Variants in PTPRD observed in about 807,000 individuals in gnomAD.
PTPRD encodes the protein receptor-type tyrosine-protein phosphatase delta.
Under a neutral mutation model 214.5 loss-of-function variants are expected in PTPRD, and 34 were observed. The observed-to-expected ratio is 0.16, with a 90% CI of 0.12 to 0.21. PTPRD has a LOEUF of 0.21. Among genes scored for constraint, PTPRD ranks in the 10% least tolerant of loss-of-function variants. The pLI is 1.00. For synonymous variants in PTPRD, 1,128 were observed against 845.7 expected, an observed-to-expected ratio of 1.33 and a Z score of -5.79; for missense variants, 2,545 against 2,398.7, an observed-to-expected ratio of 1.06 and a Z score of -1.27.
intron 11 of PTPRD, among the ~76,000 whole-genome samples, chr9:8,818,232 C>T (rs555767849): frequency 6.4e-4 from 98 of 152,160 alleles, no homozygotes; most frequent in African/African-American, 2.3e-3. Context: ...ATACCTCATC[C>T]TAATTAAATG....
chr9:10,215,692 G>A (rs1332780066), intron 3 of PTPRD, among the ~76,000 whole-genome samples: 2 of 151,974 alleles, frequency 1.3e-5, no homozygotes, highest in Admixed American at 6.6e-5. Flanking sequence ...ATAAATATGT[G>A]AGAATGTTCA....
chr9:8,595,054 G>A (rs146908936), intron 14 of PTPRD, among the ~76,000 whole-genome samples: 186 of 151,398 alleles, frequency 1.2e-3, no homozygotes, highest in African/African-American at 4.1e-3. Context: ...TAGTAGAGAC[G>A]TGGTTTCTCC....
chr9:8,729,956 C>T (rs1169306705), intron 12 of PTPRD, among the ~76,000 whole-genome samples: 1 of 152,156 alleles, frequency 6.6e-6, no homozygotes, highest in Admixed American at 6.6e-5. Flanking sequence ...CCATAAAAGA[C>T]AGAAATATTG....
intron 3 of PTPRD, among the ~76,000 whole-genome samples, chr9:10,152,935 C>T (rs1391367332): frequency 6.6e-6 from 1 of 152,024 alleles, no homozygotes; most frequent in Non-Finnish European, 1.5e-5. Flanking sequence ...ACAAATACTA[C>T]ATGAGCTCAC....
At chr9:10,389,202 AATC>A (rs771901749) in intron 2 of PTPRD, among the ~76,000 whole-genome samples, 2 of 151,870 alleles carry the variant, frequency 1.3e-5, no homozygotes, top group Non-Finnish European at 2.9e-5. Flanking sequence ...GTAACCATAT[AATC>A]ATGTTTTTCA....
At chr9:8,460,609 T>C (rs897855951) in intron 32 of PTPRD, 38 bp from the exon 33 acceptor site, 3 of 1,588,574 alleles carry the variant, frequency 1.9e-6, no homozygotes, top group Admixed American at 1.8e-5. Context: ...TATAAAATAA[T>C]GACTTTCTAG....
At chr9:8,732,946 G>T (rs1024564267) in intron 12 of PTPRD, among the ~76,000 whole-genome samples, 3 of 152,150 alleles carry the variant, frequency 2.0e-5, no homozygotes, top group Non-Finnish European at 4.4e-5. Context: ...CAAAGAAAAT[G>T]GCTAACTCAT....
chr9:8,826,632 C>CTGT (rs2097180640), intron 11 of PTPRD, among the ~76,000 whole-genome samples: 1 of 145,340 alleles, frequency 6.9e-6, no homozygotes, highest in Non-Finnish European at 1.5e-5. Flanking sequence ...CAGGCACCAT[C>CTGT]TTTTTTTTTT....
chr9:8,697,167 T>C (rs565208116), intron 12 of PTPRD, among the ~76,000 whole-genome samples: 1 of 152,150 alleles, frequency 6.6e-6, no homozygotes, highest in East Asian at 1.9e-4. Flanking sequence ...AAGTAGTTGA[T>C]TGGAAATAAA....
chr9:9,019,577 G>A (rs1378514240), intron 10 of PTPRD, among the ~76,000 whole-genome samples: 2 of 152,020 alleles, frequency 1.3e-5, no homozygotes, highest in Middle Eastern at 3.2e-3. Flanking sequence ...GTGGTCGTGT[G>A]CATCTGTAAT....
intron 11 of PTPRD, among the ~76,000 whole-genome samples, chr9:8,981,979 C>T (rs546671766): frequency 1.3e-5 from 2 of 151,896 alleles, no homozygotes; most frequent in South Asian, 2.1e-4. Flanking sequence ...AAAGGTAGAT[C>T]ACTTTTTAAA....
At chr9:10,553,440 C>A (rs186615615) in intron 2 of PTPRD, among the ~76,000 whole-genome samples, 350 of 151,908 alleles carry the variant, frequency 2.3e-3, no homozygotes, top group Non-Finnish European at 3.5e-3. Context: ...ATTCTCATCC[C>A]TGAGTTGTAT....
chr9:9,032,254 G>A (rs1035064015), intron 10 of PTPRD, among the ~76,000 whole-genome samples: 1 of 151,930 alleles, frequency 6.6e-6, no homozygotes, highest in Non-Finnish European at 1.5e-5. Flanking sequence ...TGATCTTTTT[G>A]AAACGAGGAT....
intron 3 of PTPRD, among the ~76,000 whole-genome samples, chr9:10,247,365 A>C (rs1410879407): frequency 2.0e-5 from 3 of 152,224 alleles, no homozygotes; most frequent in African/African-American, 7.2e-5. Flanking sequence ...TTAAAATAAG[A>C]AGATCCCTAT....
chr9:8,970,610 A>G (rs1158215123), intron 11 of PTPRD, among the ~76,000 whole-genome samples: 5 of 151,838 alleles, frequency 3.3e-5, no homozygotes, highest in Admixed American at 6.6e-5. Flanking sequence ...GGAGAAAAGA[A>G]AAAACCACTA....
chr9:9,285,444 C>T lies in PTPRD; in HGVS notation c.-202-102081G>A, dbSNP rs144019536. On this transcript the variant is annotated intron_variant, in intron 9 of 45. Transcript: ENST00000381196. ...ACTATCACTCAATATTTCTTCTTTTCTTCATTGGTAACTAATTGGAGGAAT... is the reference window on the plus strand; with the variant it reads ...ACTATCACTCAATATTTCTTCTTTTTTTCATTGGTAACTAATTGGAGGAAT... 5.3e-4 allele frequency among the ~76,000 whole-genome samples: 80 copies of T among 151,768 alleles called. No homozygotes were observed. The East Asian group carries it at 0.014, about 27-fold the overall frequency.
At chr9:9,527,201 T>C (rs1274286044) in intron 8 of PTPRD, among the ~76,000 whole-genome samples, 1 of 152,184 alleles carries the variant, frequency 6.6e-6, no homozygotes, top group Non-Finnish European at 1.5e-5. Flanking sequence ...ATCTTGAATG[T>C]TTTCTAATCT....
chr9:9,590,007 A>G (rs895099228), intron 7 of PTPRD, among the ~76,000 whole-genome samples: 4 of 152,020 alleles, frequency 2.6e-5, no homozygotes, highest in African/African-American at 9.7e-5. Context: ...AAGAGTAAGC[A>G]ACTCTTACTC....
chr9:9,717,444 T>C (rs1564735786), intron 7 of PTPRD, among the ~76,000 whole-genome samples: 1 of 152,206 alleles, frequency 6.6e-6, no homozygotes, highest in Non-Finnish European at 1.5e-5. Context: ...CCTTGGGCAG[T>C]ATGGCCATTT....
Sources: allele counts gnomAD v4.1 joint callset (sites outside exome capture counted in the v4.1 genomes callset), GRCh38; gene constraint gnomAD v4.1.1; transcripts MANE v1.5; gene names NCBI Gene and HGNC (gene_info 2026-07-23, HGNC 2026-07-21).